UVRAG: variants seen among roughly 807,000 people sequenced by gnomAD.
The protein encoded by UVRAG is UV radiation resistance associated.
A neutral mutation model predicts 78.0 loss-of-function variants in UVRAG; 19 were observed. That is an observed-to-expected ratio of 0.24 (90% confidence interval 0.17 to 0.36). The LOEUF is 0.36. UVRAG is among the 10% of genes least tolerant of loss of function. The pLI, the probability that UVRAG is intolerant of heterozygous loss-of-function variation, is 1.00. For synonymous variants in UVRAG, 323 were observed against 324.6 expected (o/e 1.00, Z 0.05); for missense variants, 740 against 853.8 (o/e 0.87, Z 1.66).
intron 3 of UVRAG, 60 bp downstream of exon 3, chr11:75,861,840 G>A: frequency 7.1e-7 from 1 of 1,401,300 alleles, no homozygotes; most frequent in Admixed American, 1.9e-5. Context: ...TTCAGAAAAT[G>A]CAGAAATGTA....
intron 5 of UVRAG, among the ~76,000 whole-genome samples, chr11:75,895,270 CCT>C (rs1947316046): frequency 6.6e-6 from 1 of 152,094 alleles, no homozygotes; most frequent in Non-Finnish European, 1.5e-5. Context: ...GTTAATACTC[CCT>C]CTGTCTACAT....
At chr11:76,076,755 T>C (rs1351323171) in intron 13 of UVRAG, among the ~76,000 whole-genome samples, 3 of 152,190 alleles carry the variant, frequency 2.0e-5, no homozygotes, top group Non-Finnish European at 4.4e-5. Flanking sequence ...TATATCTTCT[T>C]TGGAGAAATA....
At chr11:75,842,920 T>C (rs1228067103) in intron 1 of UVRAG, among the ~76,000 whole-genome samples, 1 of 152,240 alleles carries the variant, frequency 6.6e-6, no homozygotes, top group Non-Finnish European at 1.5e-5. Flanking sequence ...TGGTTTAGTT[T>C]GGTGATGGTG....
chr11:75,833,238 T>G (rs1945700478), intron 1 of UVRAG, among the ~76,000 whole-genome samples: 1 of 152,190 alleles, frequency 6.6e-6, no homozygotes, highest in African/African-American at 2.4e-5. Flanking sequence ...CAAATCCTGG[T>G]CCAGCCATTT....
At chr11:75,962,904 A>G (rs1948935990) in intron 7 of UVRAG, among the ~76,000 whole-genome samples, 1 of 152,228 alleles carries the variant, frequency 6.6e-6, no homozygotes, top group South Asian at 2.1e-4. Context: ...TTAAAGGAAT[A>G]TAAGTGGTGA....
chr11:75,870,828 C>CT (rs959991898), intron 3 of UVRAG, among the ~76,000 whole-genome samples: 38 of 152,078 alleles, frequency 2.5e-4, no homozygotes, highest in African/African-American at 8.9e-4. Context: ...TCAAAAGGAA[C>CT]TGATCAATGA....
At chr11:76,003,810 G>T in intron 8 of UVRAG, among the ~76,000 whole-genome samples, 195 bp from the exon 9 acceptor site, 1 of 152,096 alleles carries the variant, frequency 6.6e-6, no homozygotes, top group East Asian at 1.9e-4. Context: ...TCTGCCAGAG[G>T]CTGGACTTAT....
intron 7 of UVRAG, among the ~76,000 whole-genome samples, chr11:75,966,921 A>G (rs988659753): frequency 2.0e-5 from 3 of 152,182 alleles, no homozygotes; most frequent in African/African-American, 7.2e-5. Context: ...TTTAAACAGA[A>G]TTTGGGGTGC....
At chr11:75,883,149 G>A (rs1474587002) in intron 4 of UVRAG, among the ~76,000 whole-genome samples, 1 of 152,066 alleles carries the variant, frequency 6.6e-6, no homozygotes, top group Non-Finnish European at 1.5e-5. Flanking sequence ...ATATTTCATG[G>A]AGGATGGTGC....
chr11:76,054,592 T>C (rs1257992850), intron 12 of UVRAG, among the ~76,000 whole-genome samples: 1 of 152,230 alleles, frequency 6.6e-6, no homozygotes, highest in Non-Finnish European at 1.5e-5. Flanking sequence ...CTTCACTTCC[T>C]TGAATGTGAC....
At chr11:76,086,404 G>A (rs993754606) in intron 13 of UVRAG, among the ~76,000 whole-genome samples, 19 of 152,234 alleles carry the variant, frequency 1.2e-4, no homozygotes, top group South Asian at 8.3e-4. Context: ...ACTATTCTTC[G>A]TATGTTTAAG....
rs377301176 is a variant in UVRAG at position 76,027,419 on chromosome 11, G to T, written c.1226+10439G>T. On this transcript the variant is annotated intron_variant, in intron 12 of 14. Transcript: ENST00000356136. ...TCGACATTTGTTTTTTCTCTAAAAG[G>T]TATGGTGCAAAATGCATCTCTTTTT... Among the ~76,000 whole-genome samples, 360 of 152,142 alleles carry T rather than the reference G, an allele frequency of 2.4e-3. 2 individuals are homozygous for T. The highest frequency in any genetic ancestry group is 6.4e-3 in the African/African-American group (266 of 41,514).
intron 6 of UVRAG, among the ~76,000 whole-genome samples, chr11:75,954,764 T>C (rs1306244556): frequency 6.6e-6 from 1 of 152,194 alleles, no homozygotes; most frequent in Non-Finnish European, 1.5e-5. Context: ...TCTGGTGAAA[T>C]AGGCAAAGAA....
Position 75,878,754 on chromosome 11 carries a change from G to C in UVRAG, c.271-1125G>C, listed in dbSNP as rs367765609. On this transcript the variant is annotated intron_variant, in intron 3 of 14. Coordinates refer to ENST00000356136, the MANE Select transcript of UVRAG (RefSeq NM_003369.4). ...CGCGCGCCTGCAATCGCAGGCACTC[G>C]GCAGGCTGAGGCAGGAGAATCAGGC... is the stretch of plus-strand genomic sequence containing the variant. Among the ~76,000 whole-genome samples, 571 of 152,206 alleles carry C rather than the reference G, an allele frequency of 3.8e-3. 2 individuals carry two copies. Among genetic ancestry groups the C allele is most frequent in the African/African-American group, 0.013 (534 of 41,520 alleles).
intron 3 of UVRAG, among the ~76,000 whole-genome samples, chr11:75,867,863 A>G (rs139908189): frequency 8.5e-5 from 13 of 152,358 alleles, no homozygotes; most frequent in Non-Finnish European, 1.5e-4. Context: ...TTAAATGGCA[A>G]TTAAACTTAG....
intron 3 of UVRAG, among the ~76,000 whole-genome samples, chr11:75,869,521 T>G (rs564024835): frequency 2.6e-5 from 4 of 152,336 alleles, no homozygotes; most frequent in African/African-American, 9.6e-5. Flanking sequence ...TGCATCATCT[T>G]CAAGGTTTTC....
chr11:75,905,748 T>G (rs1947600873), intron 5 of UVRAG, among the ~76,000 whole-genome samples: 1 of 152,210 alleles, frequency 6.6e-6, no homozygotes, highest in African/African-American at 2.4e-5. Context: ...TTGACTGTTG[T>G]GAATAGTGCT....
intron 6 of UVRAG, among the ~76,000 whole-genome samples, chr11:75,934,062 C>T (rs1948306560): frequency 6.6e-6 from 1 of 152,098 alleles, no homozygotes; most frequent in African/African-American, 2.4e-5. Flanking sequence ...CCATGTTTAT[C>T]ACAATAGCCA....
intron 3 of UVRAG, among the ~76,000 whole-genome samples, chr11:75,878,937 G>A (rs113275209): frequency 0.053 from 7,804 of 147,392 alleles, 274 homozygotes; most frequent in African/African-American, 0.092. Context: ...GAGGGAGAGG[G>A]AGACCCCCTT....
Sources: gnomAD v4.1 joint callset for allele counts (sites outside exome capture counted in the v4.1 genomes callset) on GRCh38, gnomAD v4.1.1 for gene constraint, MANE v1.5 for transcripts, NCBI Gene and HGNC (gene_info 2026-07-23, HGNC 2026-07-21) for gene names.